Variants in HPS3 observed in about 807,000 individuals in gnomAD.
HPS3 encodes the protein HPS3 biogenesis of lysosomal organelles complex 2 subunit 1, also known as BLOC-2 complex member HPS3.
HPS3 carries 79 observed loss-of-function variants against 110.9 expected under a neutral mutation model. The ratio of observed to expected loss-of-function variants is 0.71; its 90% CI spans 0.59 to 0.86. The LOEUF (loss-of-function observed/expected upper bound fraction) is 0.86, where lower values mean the gene tolerates loss of function less well. HPS3 is among the 40% of genes least tolerant of loss of function. The pLI is 0.00. For synonymous variants in HPS3, 428 were observed against 451.0 expected (o/e 0.95, Z 0.65); for missense variants, 1,197 against 1,206.2 (o/e 0.99, Z 0.11).
chr3:149,164,820 C>T (rs1724246900), intron 14 of HPS3, among the ~76,000 whole-genome samples: 1 of 152,188 alleles, frequency 6.6e-6, no homozygotes, highest in Admixed American at 6.5e-5. Context: ...GACCCAAATG[C>T]TGAGTGTCTG....
At chr3:149,168,152 T>C (rs1412319303) in intron 16 of HPS3, 169 bp downstream of exon 16, 1 of 606,016 alleles carries the variant, frequency 1.7e-6, no homozygotes. Flanking sequence ...ACATTTGATA[T>C]TGATTTATCT....
In HPS3 at chr3:149,144,795, C is replaced by A. The variant is rs117706700; in HGVS notation, c.971-559C>A. Among the ~76,000 whole-genome samples, 1,008 of 152,168 alleles carry A rather than the reference C, an allele frequency of 6.6e-3. 21 individuals are homozygous for A. Among genetic ancestry groups the A allele is most frequent in the East Asian group, 0.047 (243 of 5,176 alleles). On this transcript the variant is annotated intron_variant, in intron 4 of 16. Transcript: ENST00000296051. ...ATGACTAGTCTGAATTGAGATATGG[C>A]ATAAGTATAAAATACACACTAGGTT...
intron 13 of HPS3, among the ~76,000 whole-genome samples, 186 bp from the exon 14 acceptor site, chr3:149,163,656 A>G (rs1480794286): frequency 6.6e-6 from 1 of 152,206 alleles, no homozygotes; most frequent in East Asian, 1.9e-4. Flanking sequence ...TTTAGTGTAG[A>G]AGCAAGCAAG....
chr3:149,164,792 T>C (rs1724241747), intron 14 of HPS3, among the ~76,000 whole-genome samples: 1 of 152,216 alleles, frequency 6.6e-6, no homozygotes, highest in African/African-American at 2.4e-5. Flanking sequence ...CGCACAGTTA[T>C]CATCTTTGTG....
At chr3:149,164,129 A>G (rs986701655) in intron 14 of HPS3, among the ~76,000 whole-genome samples, 180 bp downstream of exon 14, 1 of 152,128 alleles carries the variant, frequency 6.6e-6, no homozygotes, top group Admixed American at 6.6e-5. Flanking sequence ...GAAACTGATG[A>G]TGGTTGGAAC....
intron 1 of HPS3, among the ~76,000 whole-genome samples, chr3:149,133,620 A>G (rs542815456): frequency 1.3e-5 from 2 of 151,982 alleles, no homozygotes; most frequent in Non-Finnish European, 2.9e-5. Flanking sequence ...TATTTTAAGG[A>G]TTTGCCACAG....
At chr3:149,164,063 CA>C in intron 14 of HPS3, 114 bp downstream of exon 14, 1 of 637,432 alleles carries the variant, frequency 1.6e-6, no homozygotes, top group South Asian at 1.8e-5. Context: ...TTTTGAGGGA[CA>C]AAATCCATAG....
chr3:149,173,025 A>C lies in HPS3; in HGVS notation c.*803A>C, dbSNP rs946188393. The C allele has an allele frequency of 2.6e-5, 4 of 152,562 alleles. No homozygotes were observed. The highest frequency in any genetic ancestry group is 9.6e-5 in the African/African-American group (4 of 41,454). The allele number at this position is 152,562 out of a possible 1,614,324, so 9.5% of individuals were successfully genotyped here. On this transcript the variant is annotated 3_prime_UTR_variant, in exon 17 of 17. Transcript: ENST00000296051. ...TTTAGTTCAAGTTTAGTTCATTGATATTATCCTCTGAATGCAGTTAAGGCT... is the reference window on the plus strand; with the variant it reads ...TTTAGTTCAAGTTTAGTTCATTGATCTTATCCTCTGAATGCAGTTAAGGCT...
At position 149,167,202 on chromosome 3, in the gene HPS3, A is replaced by G; in HGVS notation, c.2758A>G (p.Ile920Val). Residue 920 changes from isoleucine to valine, a missense_variant, in exon 15 of 17, where the codon ATT becomes GTT. Coordinates refer to ENST00000296051, the MANE Select transcript of HPS3 (RefSeq NM_032383.5). ...ILLERCPEAVIPYANHELKEE... is the reference protein window; with the variant it reads ...ILLERCPEAVVPYANHELKEE... ...GTTAGAGAGATGCCCGGAGGCAGTC[A>G]TTCCATATGCTAATCATGAACTGAA... 1 of 1,613,864 alleles carries G rather than the reference A, an allele frequency of 6.2e-7. No homozygotes were observed. The highest frequency in any genetic ancestry group is 8.5e-7 in the Non-Finnish European group (1 of 1,179,846).
At chr3:149,171,321 G>C (rs1724968608) in intron 16 of HPS3, among the ~76,000 whole-genome samples, 1 of 152,122 alleles carries the variant, frequency 6.6e-6, no homozygotes, top group Non-Finnish European at 1.5e-5. Context: ...TTGCAGTTTG[G>C]GGGAAAAGGA....
rs115094812 is a variant in HPS3 at position 149,151,062 on chromosome 3, C to T, written c.1245+382C>T. 5.6e-3 allele frequency among the ~76,000 whole-genome samples: 859 copies of T among 152,100 alleles called. 14 individuals carry two copies. The highest frequency in any genetic ancestry group is 0.02 in the African/African-American group (821 of 41,504). ...TTGCTCTGTCACCCAGGCTGGAGGGCAGTGGCAAAGTCATAGATCACTGCA... is the reference window on the plus strand; with the variant it reads ...TTGCTCTGTCACCCAGGCTGGAGGGTAGTGGCAAAGTCATAGATCACTGCA... On this transcript the variant is annotated intron_variant, in intron 6 of 16. Transcript: ENST00000296051.
chr3:149,141,518 AGTTTTTTTTTTT>A (rs1722453812), intron 4 of HPS3, 138 bp downstream of exon 4: 3 of 560,752 alleles, frequency 5.3e-6, no homozygotes, highest in African/African-American at 2.1e-5. Flanking sequence ...CCTTTAACAA[AGTTTTTTTTTTT>A]GTTTTTTTTT....
At chr3:149,149,763 A>G (rs1337282902) in intron 5 of HPS3, among the ~76,000 whole-genome samples, 1 of 152,198 alleles carries the variant, frequency 6.6e-6, no homozygotes, top group Non-Finnish European at 1.5e-5. Context: ...ATGGAACAGA[A>G]ATATACATCA....
At chr3:149,166,088 C>T in intron 14 of HPS3, 3 of 448,754 alleles carry the variant, frequency 6.7e-6, no homozygotes, top group South Asian at 1.6e-5. Context: ...AAAATTAGGA[C>T]ATGACCATCT....
chr3:149,170,057 A>G (rs536015261), intron 16 of HPS3, among the ~76,000 whole-genome samples: 23 of 152,246 alleles, frequency 1.5e-4, no homozygotes, highest in African/African-American at 5.3e-4. Flanking sequence ...CCATTAGTTT[A>G]CCCTATTTGG....
chr3:149,159,500 C>T (rs1434715430), intron 10 of HPS3, among the ~76,000 whole-genome samples: 1 of 152,050 alleles, frequency 6.6e-6, no homozygotes, highest in African/African-American at 2.4e-5. Flanking sequence ...GAGTTTGAGG[C>T]TACAGTGAGC....
intron 11 of HPS3, among the ~76,000 whole-genome samples, chr3:149,160,779 AC>A (rs1042467839): frequency 5.4e-4 from 82 of 152,340 alleles, no homozygotes; most frequent in African/African-American, 1.9e-3. Flanking sequence ...TCATTTAGGG[AC>A]ACTACCAAAG....
At chr3:149,157,573 G>T (rs372176526) in intron 9 of HPS3, 42 bp downstream of exon 9, 29 of 1,581,670 alleles carry the variant, frequency 1.8e-5, no homozygotes, top group Non-Finnish European at 2.3e-5. Flanking sequence ...AAGTCATCTT[G>T]AACTTTGGGT....
At chr3:149,139,785 G>T (rs965900795) in intron 1 of HPS3, among the ~76,000 whole-genome samples, 2 of 152,104 alleles carry the variant, frequency 1.3e-5, no homozygotes, top group Non-Finnish European at 2.9e-5. Context: ...CAATTAATAG[G>T]TTGTCTTAAG....
Sources: gnomAD v4.1 joint callset for allele counts (sites outside exome capture counted in the v4.1 genomes callset) on GRCh38, gnomAD v4.1.1 for gene constraint, MANE v1.5 for transcripts, NCBI Gene and HGNC (gene_info 2026-07-23, HGNC 2026-07-21) for gene names.